The following DAB1 variants were observed in gnomAD, a reference collection of about 807,000 sequenced individuals.
DAB1 encodes the protein disabled homolog 1.
Under a neutral mutation model 64.6 loss-of-function variants are expected in DAB1, and 15 were observed. The observed-to-expected ratio is 0.23, with a 90% CI of 0.16 to 0.36. The LOEUF is 0.36. DAB1 is among the 10% of genes least tolerant of loss of function. DAB1 has a pLI of 1.00. For synonymous variants in DAB1, 235 were observed against 251.9 expected, an observed-to-expected ratio of 0.93 and a Z score of 0.64; for missense variants, 596 against 706.7, an observed-to-expected ratio of 0.84 and a Z score of 1.78.
In DAB1 at chr1:57,249,619, G is replaced by A. The variant is rs537327789; in HGVS notation, c.67+41345C>T. ...ACTCCTGAGCTCAAGCCATCCACCC[G>A]CCTTGGCCTTCTAAAGTGCTGAGAT... On this transcript the variant is annotated intron_variant, in intron 2 of 14. Coordinates refer to ENST00000371236, the MANE Select transcript of DAB1 (RefSeq NM_001365792.1). 3.6e-4 allele frequency among the ~76,000 whole-genome samples: 55 copies of A among 152,190 alleles called. No homozygotes were observed. In the East Asian group the frequency reaches 4.8e-3, roughly 13 times the overall value.
intron 6 of DAB1, among the ~76,000 whole-genome samples, chr1:57,723,577 C>A (rs755359127): frequency 7.2e-5 from 11 of 152,244 alleles, no homozygotes; most frequent in Non-Finnish European, 1.6e-4. Flanking sequence ...ACTGGGAATT[C>A]TCTGCATTCA....
chr1:58,358,609 T>C (rs906607016), intron 3 of DAB1, among the ~76,000 whole-genome samples: 3 of 152,138 alleles, frequency 2.0e-5, no homozygotes, highest in Non-Finnish European at 4.4e-5. Flanking sequence ...AAGGTGGGGA[T>C]GCAGCCTGGA....
At chr1:57,983,074 G>A (rs1646106095) in intron 5 of DAB1, among the ~76,000 whole-genome samples, 1 of 152,158 alleles carries the variant, frequency 6.6e-6, no homozygotes, top group East Asian at 1.9e-4. Context: ...GTGAAGCCTC[G>A]TGTCCATTCT....
intron 2 of DAB1, among the ~76,000 whole-genome samples, chr1:57,287,122 A>G (rs1467354635): frequency 6.6e-6 from 1 of 152,236 alleles, no homozygotes; most frequent in Non-Finnish European, 1.5e-5. Flanking sequence ...CACAGGCTGG[A>G]GTGCAGTGGT....
chr1:57,220,209 C>T (rs1388471317), intron 2 of DAB1, among the ~76,000 whole-genome samples: 3 of 152,148 alleles, frequency 2.0e-5, no homozygotes, highest in Non-Finnish European at 4.4e-5. Context: ...TTGAGGGGTT[C>T]ATTTGGCTGG....
chr1:57,344,245 C>T (rs920635966), intron 1 of DAB1, among the ~76,000 whole-genome samples: 2 of 152,156 alleles, frequency 1.3e-5, no homozygotes, highest in Non-Finnish European at 2.9e-5. Context: ...GTAATTTGCA[C>T]ATCTGATTCA....
At chr1:58,105,062 T>A (rs1243478758) in intron 5 of DAB1, among the ~76,000 whole-genome samples, 1 of 152,204 alleles carries the variant, frequency 6.6e-6, no homozygotes, top group Non-Finnish European at 1.5e-5. Context: ...CCTTTCTGTT[T>A]GATAAAGTCT....
chr1:57,918,446 G>A (rs555613138), intron 5 of DAB1, among the ~76,000 whole-genome samples: 232 of 152,218 alleles, frequency 1.5e-3, no homozygotes, highest in Non-Finnish European at 2.2e-3. Context: ...TACCCGAGGG[G>A]TGTCCTGCCT....
At chr1:57,425,214 C>A (rs2101103955), upstream of DAB1, among the ~76,000 whole-genome samples, 1 of 152,222 alleles carries the variant, frequency 6.6e-6, no homozygotes, top group East Asian at 1.9e-4. Context: ...CCCTGTTGGA[C>A]CCAGGTGCAG....
intron 5 of DAB1, among the ~76,000 whole-genome samples, chr1:57,966,842 T>C (rs927188398): frequency 2.6e-5 from 4 of 152,212 alleles, no homozygotes; most frequent in African/African-American, 4.8e-5. Flanking sequence ...AGGGAAAGAA[T>C]GTTAAGAGCT....
At chr1:58,057,692 C>T (rs952049291) in intron 5 of DAB1, among the ~76,000 whole-genome samples, 5 of 152,192 alleles carry the variant, frequency 3.3e-5, no homozygotes, top group African/African-American at 1.2e-4. Flanking sequence ...TGGTTTTGGA[C>T]TCCTAGCCTC....
intron 4 of DAB1, among the ~76,000 whole-genome samples, chr1:57,087,420 G>T (rs1293647280): frequency 6.6e-6 from 1 of 152,228 alleles, no homozygotes; most frequent in African/African-American, 2.4e-5. Flanking sequence ...CAAGGGAGAA[G>T]GGGAGAGAAG....
At chr1:57,725,183 A>G (rs1381240050) in intron 6 of DAB1, among the ~76,000 whole-genome samples, 1 of 152,188 alleles carries the variant, frequency 6.6e-6, no homozygotes. Context: ...TAATAACACT[A>G]TGAACCATGA....
chr1:58,418,007 C>T (rs1644738026), intron 3 of DAB1, among the ~76,000 whole-genome samples: 1 of 152,178 alleles, frequency 6.6e-6, no homozygotes, highest in Admixed American at 6.5e-5. Context: ...GATCCCTTCA[C>T]TCTATTGGAA....
intron 5 of DAB1, among the ~76,000 whole-genome samples, chr1:58,019,897 A>T (rs905998597): frequency 3.3e-5 from 5 of 152,304 alleles, no homozygotes; most frequent in Admixed American, 3.3e-4. Flanking sequence ...TATTACCTTA[A>T]GTCACTGTGA....
chr1:57,718,379 G>A (rs984228101), intron 6 of DAB1, among the ~76,000 whole-genome samples: 3 of 152,132 alleles, frequency 2.0e-5, no homozygotes, highest in African/African-American at 7.2e-5. Context: ...GATGGATGAT[G>A]TGATGCTGAA....
chr1:57,511,731 G>T (rs555595171), intron 7 of DAB1, among the ~76,000 whole-genome samples: 1 of 152,104 alleles, frequency 6.6e-6, no homozygotes, highest in South Asian at 2.1e-4. Context: ...CTTAAATATT[G>T]CTGAATGAAC....
At chr1:58,141,491 T>C (rs1370266291) in intron 5 of DAB1, among the ~76,000 whole-genome samples, 7 of 152,124 alleles carry the variant, frequency 4.6e-5, no homozygotes, top group Non-Finnish European at 1.5e-5. Flanking sequence ...GAGATTTGCG[T>C]AGGGACACAG....
At chr1:58,248,394 T>A (rs1660649952) in intron 4 of DAB1, among the ~76,000 whole-genome samples, 1 of 152,102 alleles carries the variant, frequency 6.6e-6, no homozygotes, top group Admixed American at 6.5e-5. Context: ...ATTTCAGAGA[T>A]CTCTTGGTCC....
Sources: gnomAD v4.1 joint callset for allele counts (sites outside exome capture counted in the v4.1 genomes callset) on GRCh38, gnomAD v4.1.1 for gene constraint, MANE v1.5 for transcripts, NCBI Gene and HGNC (gene_info 2026-07-23, HGNC 2026-07-21) for gene names.